The following FOXP1 variants were observed in gnomAD, a reference collection of about 807,000 sequenced individuals.
FOXP1 encodes forkhead box P1.
In FOXP1, 15 loss-of-function variants were observed where a neutral mutation model predicts 98.2. The observed-to-expected ratio is 0.15, with a 90% CI of 0.10 to 0.24. FOXP1 has a LOEUF of 0.24. Ranked by LOEUF, FOXP1 falls within the 10% of genes least tolerant of loss-of-function variation. The pLI is 1.00. For synonymous variants in FOXP1, 371 were observed against 314.5 expected, an observed-to-expected ratio of 1.18 and a Z score of -1.90; for missense variants, 633 against 848.5, an observed-to-expected ratio of 0.75 and a Z score of 3.15.
intron 11 of FOXP1, among the ~76,000 whole-genome samples, chr3:71,035,877 A>G (rs149386829): frequency 3.9e-5 from 6 of 152,346 alleles, no homozygotes; most frequent in Non-Finnish European, 7.3e-5. Flanking sequence ...TGCACCAGTT[A>G]AAGGCTTGTG....
intron 5 of FOXP1, among the ~76,000 whole-genome samples, chr3:71,199,834 T>G (rs1490763435): frequency 6.6e-6 from 1 of 150,950 alleles, no homozygotes; most frequent in South Asian, 2.1e-4. Flanking sequence ...TCCCAGGACT[T>G]TGGGAGGCCG....
At chr3:71,339,673 CAT>C (rs1208953333) in intron 4 of FOXP1, among the ~76,000 whole-genome samples, 1 of 152,202 alleles carries the variant, frequency 6.6e-6, no homozygotes, top group East Asian at 1.9e-4. Flanking sequence ...CTGTTTACTT[CAT>C]ATTTGTGAAC....
intron 3 of FOXP1, among the ~76,000 whole-genome samples, chr3:71,454,399 G>C (rs1289317060): frequency 6.6e-6 from 1 of 152,136 alleles, no homozygotes; most frequent in Non-Finnish European, 1.5e-5. Context: ...CAGGAGCTAA[G>C]GCACAGAGAG....
chr3:71,337,556 A>G (rs1395410002), intron 4 of FOXP1, among the ~76,000 whole-genome samples: 1 of 152,212 alleles, frequency 6.6e-6, no homozygotes, highest in Non-Finnish European at 1.5e-5. Flanking sequence ...ATAGCTATAC[A>G]TATATTATCT....
intron 3 of FOXP1, among the ~76,000 whole-genome samples, chr3:71,444,060 G>A (rs1395161735): frequency 6.6e-6 from 1 of 152,168 alleles, no homozygotes; most frequent in Non-Finnish European, 1.5e-5. Flanking sequence ...TATAGCTACT[G>A]ACTTTGCCTC....
At chr3:71,443,896 T>C (rs1282707206) in intron 3 of FOXP1, among the ~76,000 whole-genome samples, 1 of 152,146 alleles carries the variant, frequency 6.6e-6, no homozygotes, top group Non-Finnish European at 1.5e-5. Context: ...ATTTCCCCTT[T>C]TACCCTTCTC....
At chr3:71,142,847 AG>A (rs769563103) in intron 6 of FOXP1, among the ~76,000 whole-genome samples, 3 of 152,232 alleles carry the variant, frequency 2.0e-5, no homozygotes, top group Admixed American at 6.5e-5. Flanking sequence ...TAACACACGC[AG>A]AAAAAGAGAT....
At chr3:71,112,663 T>C (rs2058036964) in intron 6 of FOXP1, 26 bp from the exon 7 acceptor site, 1 of 1,548,200 alleles carries the variant, frequency 6.5e-7, no homozygotes, top group Non-Finnish European at 8.9e-7. Context: ...AGAAAATCCT[T>C]TGCGTTACTA....
At chr3:70,988,396 A>C (rs2040096634) in intron 13 of FOXP1, among the ~76,000 whole-genome samples, 1 of 152,216 alleles carries the variant, frequency 6.6e-6, no homozygotes, top group South Asian at 2.1e-4. Flanking sequence ...TTCATGAGAA[A>C]AGCCAAGGGA....
At chr3:71,057,345 A>C (rs80204881) in intron 7 of FOXP1, among the ~76,000 whole-genome samples, 1 of 84,328 alleles carries the variant, frequency 1.2e-5, no homozygotes, top group African/African-American at 4.3e-5. Context: ...CATGCCTTCT[A>C]CCTTAACCTC....
At chr3:71,330,092 T>C (rs917632511) in intron 4 of FOXP1, among the ~76,000 whole-genome samples, 3 of 152,124 alleles carry the variant, frequency 2.0e-5, no homozygotes, top group Non-Finnish European at 4.4e-5. Flanking sequence ...CTTATACATG[T>C]AATAACATGT....
At chr3:71,205,399 T>C (rs1225680239) in intron 5 of FOXP1, among the ~76,000 whole-genome samples, 1 of 152,222 alleles carries the variant, frequency 6.6e-6, no homozygotes, top group Non-Finnish European at 1.5e-5. Flanking sequence ...TTATCAACTT[T>C]ATCATGCACC....
At chr3:71,243,181 C>T (rs2067431266) in intron 5 of FOXP1, among the ~76,000 whole-genome samples, 1 of 152,178 alleles carries the variant, frequency 6.6e-6, no homozygotes, top group African/African-American at 2.4e-5. Flanking sequence ...AAGCAGTACT[C>T]GATCCTGTTT....
At position 71,236,452 on chromosome 3, in the gene FOXP1, C is replaced by G. The variant is rs1375314184; in HGVS notation, c.-11-38060G>C. ...ACCACCCTCCAGCACCCACGATCTA[C>G]CAGTCATCCTGTCTACAGAGATATC... On this transcript the variant is annotated intron_variant, in intron 5 of 20. Transcript: ENST00000649528. 2.0e-5 allele frequency among the ~76,000 whole-genome samples: 3 copies of G among 152,300 alleles called. No individual in the cohort carries two copies. In the East Asian group the frequency reaches 5.8e-4, roughly 29 times the overall value.
chr3:71,262,309 G>A (rs576085365), intron 5 of FOXP1, among the ~76,000 whole-genome samples: 2 of 126,268 alleles, frequency 1.6e-5, no homozygotes, highest in Admixed American at 1.7e-4. Flanking sequence ...AAAATTGTCA[G>A]GTCCCTACTA....
In FOXP1 at chr3:71,581,580, G is replaced by A; in HGVS notation, c.-329C>T. 1 of 985,514 alleles carries A rather than the reference G, an allele frequency of 1.0e-6. No individual in the cohort carries two copies. Among genetic ancestry groups the A allele is most frequent in the Non-Finnish European group, 1.2e-6 (1 of 829,996 alleles). 61.0% of individuals were successfully genotyped at this position (985,514 alleles called of 1,614,324 possible). On this transcript the variant is annotated 5_prime_UTR_variant, in exon 2 of 21. Transcript: ENST00000649528. ...AGTCCGGGGAGGGAGTAGGAGCGCC[G>A]CCTTCACGCCCGCGGAGGAGGCGCC...
chr3:71,521,501 T>A (rs2042983556), intron 2 of FOXP1, among the ~76,000 whole-genome samples: 1 of 130,388 alleles, frequency 7.7e-6, no homozygotes, highest in Non-Finnish European at 1.6e-5. Context: ...CACTCCAGTT[T>A]GGCCAACAGA....
intron 5 of FOXP1, among the ~76,000 whole-genome samples, chr3:71,220,715 T>A: frequency 6.6e-6 from 1 of 151,786 alleles, no homozygotes. Context: ...ATCGCACCAC[T>A]GCGATCCAAC....
intron 5 of FOXP1, chr3:71,296,154 T>C (rs2073265725): frequency 6.6e-6 from 1 of 152,266 alleles, no homozygotes; most frequent in South Asian, 2.1e-4. Flanking sequence ...TTTATGTATA[T>C]AATCAGTTAT....
Sources: gnomAD v4.1 joint callset for allele counts (sites outside exome capture counted in the v4.1 genomes callset) on GRCh38, gnomAD v4.1.1 for gene constraint, MANE v1.5 for transcripts, NCBI Gene and HGNC (gene_info 2026-07-23, HGNC 2026-07-21) for gene names.